The following MEIOB variants were observed in gnomAD, a reference collection of about 807,000 sequenced individuals.
MEIOB encodes meiosis-specific with OB domain-containing protein.
Under a neutral mutation model 53.1 loss-of-function variants are expected in MEIOB, and 50 were observed. That is an observed-to-expected ratio of 0.94 (90% CI 0.75 to 1.19). MEIOB has a LOEUF of 1.19. Among genes scored for constraint, MEIOB ranks in the 50% most tolerant of loss-of-function variants. The probability of loss-of-function intolerance (pLI) is 0.00; values close to 1 mark genes in which losing one functional copy is unlikely to be tolerated. For missense variants in MEIOB, 551 were observed against 550.8 expected, an observed-to-expected ratio of 1.00 and a Z score of 0.00; for synonymous variants, 192 against 182.5, an observed-to-expected ratio of 1.05 and a Z score of -0.42.
intron 5 of MEIOB, among the ~76,000 whole-genome samples, chr16:1,858,733 C>T (rs1318820158): frequency 6.6e-6 from 1 of 152,160 alleles, no homozygotes; most frequent in African/African-American, 2.4e-5. Flanking sequence ...CCTGCCCGTG[C>T]CCTGCATTCC....
chr16:1,866,050 T>A (rs1899585989), intron 2 of MEIOB, among the ~76,000 whole-genome samples: 1 of 152,230 alleles, frequency 6.6e-6, no homozygotes, highest in Non-Finnish European at 1.5e-5. Flanking sequence ...TAACTACTAT[T>A]ACAAATATAA....
chr16:1,850,363 G>T (rs905072623), intron 9 of MEIOB, among the ~76,000 whole-genome samples: 5 of 151,954 alleles, frequency 3.3e-5, no homozygotes, highest in African/African-American at 7.2e-5. Context: ...CGGATCACTG[G>T]AGCCCAGAAG....
chr16:1,864,176 C>T (rs1899526472), intron 3 of MEIOB, among the ~76,000 whole-genome samples: 1 of 152,088 alleles, frequency 6.6e-6, no homozygotes, highest in African/African-American at 2.4e-5. Flanking sequence ...AGTAATATAA[C>T]TCAACATACA....
At chr16:1,847,082 G>A (rs575095807) in intron 9 of MEIOB, among the ~76,000 whole-genome samples, 1 of 152,232 alleles carries the variant, frequency 6.6e-6, no homozygotes, top group East Asian at 1.9e-4. Flanking sequence ...TTGAACCCAG[G>A]AGGCAGAGAC....
At chr16:1,865,152 C>T (rs374887) in intron 3 of MEIOB, among the ~76,000 whole-genome samples, 125,374 of 151,930 alleles carry the variant, frequency 0.83, 51,862 homozygotes, top group Middle Eastern at 0.9. Flanking sequence ...CAACCAGGGG[C>T]TGGGCATGGT....
Position 1,857,937 on chromosome 16 carries a change from T to C in MEIOB, c.333-7A>G, listed in dbSNP as rs1220133907. The C allele has an allele frequency of 2.7e-6, 4 of 1,501,948 alleles. No individual in the cohort carries two copies. The Admixed American group carries it at 9.2e-5, about 35-fold the overall frequency. 93.0% of individuals were successfully genotyped at this position (1,501,948 alleles called of 1,614,324 possible). ...GAGCAACAGTTTACAGTTGCTAAAT[T>C]GCAAAAACACAAGAAAGTTATTTGA... On this transcript the variant is annotated splice_polypyrimidine_tract_variant and splice_region_variant and intron_variant, in intron 5 of 13. Transcript: ENST00000325962.
rs1175920301 is a variant in MEIOB, at chr16:1,834,225, A to G, written c.*31T>C. ...TTTTAAAGGGAGTTAAAACTCTTAT[A>G]CTTTTCCAGAGTTCAAAATGATAGA... On this transcript the variant is annotated 3_prime_UTR_variant, in exon 14 of 14. Coordinates refer to ENST00000325962, the MANE Select transcript of MEIOB (RefSeq NM_001163560.3). The G allele has an allele frequency of 2.5e-6, 3 of 1,182,714 alleles. No homozygotes were observed. Among genetic ancestry groups the G allele is most frequent in the Non-Finnish European group, 3.8e-6 (3 of 799,698 alleles). 73.3% of individuals were successfully genotyped at this position (1,182,714 alleles called of 1,614,324 possible).
intron 9 of MEIOB, among the ~76,000 whole-genome samples, chr16:1,852,203 T>G (rs1252702727): frequency 6.6e-6 from 1 of 151,382 alleles, no homozygotes. Context: ...AAAATCGATC[T>G]CTCAAAAATT....
intron 12 of MEIOB, 118 bp from the exon 13 acceptor site, chr16:1,837,988 C>G: frequency 1.4e-6 from 2 of 1,441,354 alleles, no homozygotes; most frequent in Non-Finnish European, 1.8e-6. Flanking sequence ...GCAGTAATTA[C>G]AGCTCAATCG....
intron 9 of MEIOB, among the ~76,000 whole-genome samples, chr16:1,850,448 G>T (rs1474246233): frequency 1.3e-5 from 2 of 151,862 alleles, no homozygotes. Context: ...GCATGGTAGC[G>T]GGCACCTGGG....
At position 1,865,756 on chromosome 16, in the gene MEIOB, C is replaced by T. The variant is rs1479207729; in HGVS notation, c.127+22G>A. On this transcript the variant is annotated intron_variant, in intron 3 of 13. Coordinates refer to ENST00000325962, the MANE Select transcript of MEIOB (RefSeq NM_001163560.3). ...AGCCAAAGTTGATGAAAAATGAAAC[C>T]AAGAGTTAAACAGAACTCAGCTTTT... 12 of 1,528,870 alleles carry T rather than the reference C, an allele frequency of 7.8e-6. No homozygotes were observed. In the African/African-American group the frequency reaches 1.5e-4, roughly 19 times the overall value. The allele number at this position is 1,528,870 out of a possible 1,614,324, so 94.7% of individuals were successfully genotyped here.
chr16:1,855,205 G>A (rs1220181642), intron 6 of MEIOB, among the ~76,000 whole-genome samples: 2 of 152,166 alleles, frequency 1.3e-5, no homozygotes, highest in East Asian at 1.9e-4. Flanking sequence ...AGGCCGAGGT[G>A]GGTGAATCAC....
chr16:1,865,968 T>C, intron 2 of MEIOB, 133 bp from the exon 3 acceptor site: 1 of 613,976 alleles, frequency 1.6e-6, no homozygotes, highest in Non-Finnish European at 2.8e-6. Context: ...ATGTATTTAT[T>C]CCAGGCAAAC....
chr16:1,868,387 C>A (rs1435446885), intron 1 of MEIOB, among the ~76,000 whole-genome samples: 2 of 151,794 alleles, frequency 1.3e-5, no homozygotes, highest in African/African-American at 2.4e-5. Flanking sequence ...CGAAACCTCA[C>A]GTGGTAGCGG....
intron 3 of MEIOB, among the ~76,000 whole-genome samples, chr16:1,865,484 TGTACACACATAC>T (rs1899567643): frequency 1.9e-4 from 1 of 5,398 alleles, no homozygotes; most frequent in African/African-American, 6.9e-4. Context: ...TACACACACG[TGTACACACATAC>T]ACACACATAC....
chr16:1,840,617 C>T (rs142232244), intron 11 of MEIOB, among the ~76,000 whole-genome samples: 1,811 of 151,684 alleles, frequency 0.012, 24 homozygotes, highest in African/African-American at 0.033. Context: ...GGCGCAATCT[C>T]GGCTCGCTGC....
Position 1,862,013 on chromosome 16 carries a change from A to C in MEIOB, c.231T>G (p.Leu77=), listed in dbSNP as rs761346324. The change falls in exon 4 of 14, where the codon CTT becomes CTG. Residue 77 remains leucine (L), a synonymous_variant. Coordinates refer to ENST00000325962, the MANE Select transcript of MEIOB (RefSeq NM_001163560.3). ...SWGNEDYIKS[L]SDSFRVGDCV... ...AGTCACCAACCCTAAAGCTGTCAGAAAGAGACTTGATGTAATCTTCATTGC... is the reference window on the plus strand; with the variant it reads ...AGTCACCAACCCTAAAGCTGTCAGACAGAGACTTGATGTAATCTTCATTGC... The C allele has an allele frequency of 1.2e-5, 18 of 1,551,432 alleles. No individual in the cohort carries two copies. The South Asian group carries it at 2.1e-4, about 18-fold the overall frequency.
At chr16:1,847,679 T>C (rs1899061591) in intron 9 of MEIOB, among the ~76,000 whole-genome samples, 1 of 152,034 alleles carries the variant, frequency 6.6e-6, no homozygotes, top group South Asian at 2.1e-4. Flanking sequence ...GTGATTACTT[T>C]AATATGACCT....
chr16:1,868,778 C>T (rs1899658564), intron 1 of MEIOB, among the ~76,000 whole-genome samples: 1 of 151,810 alleles, frequency 6.6e-6, no homozygotes, highest in Admixed American at 6.6e-5. Flanking sequence ...TGGCGTGAAC[C>T]CGGGAGGCGG....
Sources: allele counts gnomAD v4.1 joint callset (sites outside exome capture counted in the v4.1 genomes callset), GRCh38; gene constraint gnomAD v4.1.1; transcripts MANE v1.5; gene names NCBI Gene and HGNC (gene_info 2026-07-23, HGNC 2026-07-21).